Variants in GLT8D2 observed in about 807,000 individuals in gnomAD.
The protein encoded by GLT8D2 is glycosyltransferase 8 domain-containing protein 2.
Under a neutral mutation model 44.5 loss-of-function variants are expected in GLT8D2, and 45 were observed. The ratio of observed to expected loss-of-function variants is 1.01; its 90% CI spans 0.80 to 1.30. The LOEUF (loss-of-function observed/expected upper bound fraction) is 1.30. GLT8D2 is among the 50% of genes most tolerant of loss of function. GLT8D2 has a pLI of 0.00. For synonymous variants in GLT8D2, 156 were observed against 157.2 expected (o/e 0.99, Z 0.06); for missense variants, 400 against 430.4 (o/e 0.93, Z 0.62).
intron 4 of GLT8D2, among the ~76,000 whole-genome samples, chr12:104,004,139 T>C (rs915089310): frequency 6.6e-6 from 1 of 152,174 alleles, no homozygotes; most frequent in African/African-American, 2.4e-5. Context: ...CCCATGATTA[T>C]ATCAATAGAA....
intron 4 of GLT8D2, chr12:104,012,950 A>G: frequency 1.8e-6 from 1 of 568,772 alleles, no homozygotes; most frequent in Non-Finnish European, 3.1e-6. Flanking sequence ...GAGAGGCCTC[A>G]GGAGAAACAA....
rs1385470647 is a variant in GLT8D2 at position 104,027,925 on chromosome 12, G to A, written c.-163-6434C>T. ...TGGGGTCCAGATAACAGATTTCACC[G>A]TGTGTTGATGAAGCTTTACAGCTCA... On this transcript the variant is annotated intron_variant, in intron 1 of 10. Transcript: ENST00000360814. Among the ~76,000 whole-genome samples the A allele has an allele frequency of 3.9e-5, 6 of 152,278 alleles. 1 individual carries two copies. The South Asian group carries it at 6.2e-4, about 16-fold the overall frequency.
In GLT8D2 at chr12:104,064,161, C is replaced by G. The variant is rs1882945278; in HGVS notation, c.-635G>C. ...GCTCCCAGCTCTTCGAACCTCTACCCGAGCTTCTCTCACGTTGCTTGTGAG... is the reference window on the plus strand; with the variant it reads ...GCTCCCAGCTCTTCGAACCTCTACCGGAGCTTCTCTCACGTTGCTTGTGAG... On this transcript the variant is annotated 5_prime_UTR_variant, in exon 1 of 11. Coordinates refer to the GLT8D2 transcript ENST00000548660. This position sits in a 1 kb window ranked among gnomAD's most constrained non-coding sequence, Gnocchi z 7.3. 6.4e-6 allele frequency: 1 copy of G among 157,380 alleles called. No homozygotes were observed. The highest frequency in any genetic ancestry group is 2.4e-5 in the African/African-American group (1 of 41,664). 9.7% of individuals were successfully genotyped at this position (157,380 alleles called of 1,614,324 possible). A position where few individuals can be genotyped will look rare whatever the true frequency, so the allele number is the denominator to read the frequency against.
chr12:104,010,944 A>G (rs1461037419), intron 4 of GLT8D2, among the ~76,000 whole-genome samples: 1 of 152,240 alleles, frequency 6.6e-6, no homozygotes, highest in African/African-American at 2.4e-5. Flanking sequence ...TGTGGGAAGC[A>G]CAAGGTAAAA....
intron 3 of GLT8D2, among the ~76,000 whole-genome samples, chr12:104,017,435 G>A (rs1390632492): frequency 6.6e-6 from 1 of 152,132 alleles, no homozygotes; most frequent in Non-Finnish European, 1.5e-5. Flanking sequence ...CGATTCTCCT[G>A]CCTCAGCCTC....
At chr12:103,994,577 C>T (rs1163132099) in intron 8 of GLT8D2, 76 bp from the exon 9 acceptor site, 3 of 1,364,968 alleles carry the variant, frequency 2.2e-6, no homozygotes, top group Non-Finnish European at 3.0e-6. Flanking sequence ...TTCTTGAAAC[C>T]CTTGTGCAGT....
chr12:104,019,102 A>C (rs1487353157), intron 3 of GLT8D2, among the ~76,000 whole-genome samples: 1 of 149,548 alleles, frequency 6.7e-6, no homozygotes, highest in African/African-American at 2.5e-5. Context: ...CTGTAAGTTC[A>C]CTTCCACTTC....
intron 1 of GLT8D2, among the ~76,000 whole-genome samples, chr12:104,035,288 C>T (rs1008566286): frequency 1.3e-5 from 2 of 152,170 alleles, no homozygotes; most frequent in Admixed American, 6.5e-5. Flanking sequence ...TCCTCGCCAG[C>T]AATGGAACAA....
chr12:104,061,783 C>G lies in GLT8D2; in HGVS notation c.-423+2166G>C, dbSNP rs571380679. ...CCTGAGGTTGGGAGTTCAAGACTAG[C>G]CTGACCAACATGGAGAAACCTCATC... On this transcript the variant is annotated intron_variant, in intron 1 of 10. Coordinates refer to the GLT8D2 transcript ENST00000548660. Among the ~76,000 whole-genome samples, 4 of 151,936 alleles carry G rather than the reference C, an allele frequency of 2.6e-5. No homozygotes were observed. The South Asian group carries it at 8.3e-4, about 32-fold the overall frequency.
chr12:104,025,029 C>T (rs1394697937), intron 1 of GLT8D2, among the ~76,000 whole-genome samples: 1 of 139,300 alleles, frequency 7.2e-6, no homozygotes, highest in Non-Finnish European at 1.5e-5. Context: ...GAGATTGTGC[C>T]ACTGCACTCC....
chr12:104,021,864 AAGAAAGAAGAAGAAGAAGAAGAAGAAG>A lies in GLT8D2; in HGVS notation c.-163-400_-163-374del, dbSNP rs879428756. 1.3e-3 allele frequency among the ~76,000 whole-genome samples: 158 copies of A among 124,166 alleles called. 11 individuals carry two copies. Among genetic ancestry groups the A allele is most frequent in the Non-Finnish European group, 2.2e-3 (125 of 57,636 alleles). The allele number at this position is 124,166 out of a possible 152,430, so 81.5% of individuals were successfully genotyped here. The stretch of plus-strand genomic sequence containing the variant: ...AAGGAAGGAGAAGGAGAAGGAGAAG[AAGAAAGAAGAAGAAGAAGAAGAAGAAG>A]AAGAAGAAGAAGAAGAAGAAGAAGA... On this transcript the variant is annotated intron_variant, in intron 1 of 10. Coordinates refer to ENST00000360814, the MANE Select transcript of GLT8D2 (RefSeq NM_001384711.1).
chr12:104,061,840 G>C (rs1263476051), intron 1 of GLT8D2, among the ~76,000 whole-genome samples: 1 of 151,708 alleles, frequency 6.6e-6, no homozygotes, highest in African/African-American at 2.4e-5. Context: ...GCCAGGCGTG[G>C]TGGTGCATGC....
chr12:104,021,713 C>G (rs983645691), intron 1 of GLT8D2, among the ~76,000 whole-genome samples: 1 of 151,134 alleles, frequency 6.6e-6, no homozygotes, highest in African/African-American at 2.4e-5. Context: ...CACTTGAGCC[C>G]AGGAGGTTGA....
chr12:104,032,361 T>C (rs1357749644), intron 1 of GLT8D2, among the ~76,000 whole-genome samples: 2 of 148,402 alleles, frequency 1.3e-5, no homozygotes, highest in Admixed American at 6.8e-5. Context: ...TTCTGAATCA[T>C]GTTCTAGTTG....
intron 1 of GLT8D2, among the ~76,000 whole-genome samples, chr12:104,042,734 TA>T (rs935839711): frequency 6.6e-6 from 1 of 152,074 alleles, no homozygotes. Context: ...GGGCCACACA[TA>T]AAATACACTA....
intron 5 of GLT8D2, 91 bp from the exon 6 acceptor site, chr12:103,999,605 G>T: frequency 1.3e-6 from 1 of 750,518 alleles, no homozygotes; most frequent in South Asian, 1.6e-5. Flanking sequence ...TGCCTCCCTA[G>T]AAAGTTAAAA....
chr12:104,009,315 A>T (rs992708601), intron 4 of GLT8D2, among the ~76,000 whole-genome samples: 1 of 152,222 alleles, frequency 6.6e-6, no homozygotes, highest in Non-Finnish European at 1.5e-5. Context: ...GTCAAAGGAG[A>T]TCATTTTGGA....
chr12:104,035,364 C>T (rs1879809757), intron 1 of GLT8D2, among the ~76,000 whole-genome samples: 1 of 152,198 alleles, frequency 6.6e-6, no homozygotes, highest in African/African-American at 2.4e-5. Flanking sequence ...TAATAACAAA[C>T]TTCTCCAAGC....
chr12:104,016,765 AAG>A (rs1348136486), intron 3 of GLT8D2, among the ~76,000 whole-genome samples: 1 of 98,954 alleles, frequency 1.0e-5, no homozygotes, highest in Non-Finnish European at 2.1e-5. Context: ...GAAAGAAAGA[AAG>A]AAAGAAAGAA....
Sources: allele counts gnomAD v4.1 joint callset (sites outside exome capture counted in the v4.1 genomes callset), GRCh38; gene constraint gnomAD v4.1.1; non-coding constraint Gnocchi (gnomAD v3.1); transcripts MANE v1.5; gene names NCBI Gene and HGNC (gene_info 2026-07-23, HGNC 2026-07-21).